Variants in NRG1 observed in about 807,000 individuals in gnomAD.
The protein encoded by NRG1 is pro-neuregulin-1, membrane-bound isoform.
NRG1 carries 18 observed loss-of-function variants against 63.8 expected under a neutral mutation model. The observed-to-expected ratio is 0.28, with a 90% CI of 0.19 to 0.42. The LOEUF (loss-of-function observed/expected upper bound fraction) is 0.42, where lower values mean the gene tolerates loss of function less well. Ranked by LOEUF, NRG1 falls within the 10% of genes least tolerant of loss-of-function variation. The pLI, the probability that NRG1 is intolerant of heterozygous loss-of-function variation, is 1.00. For missense variants in NRG1, 762 were observed against 814.7 expected, an observed-to-expected ratio of 0.94 and a Z score of 0.79; for synonymous variants, 302 against 301.3, an observed-to-expected ratio of 1.00 and a Z score of -0.02.
chr8:32,669,572 C>T (rs943536805), intron 5 of NRG1, among the ~76,000 whole-genome samples: 3 of 152,068 alleles, frequency 2.0e-5, no homozygotes, highest in Non-Finnish European at 4.4e-5. Context: ...TGGAGCCTGG[C>T]GTTTGGAGTT....
intron 1 of NRG1, among the ~76,000 whole-genome samples, chr8:32,333,774 T>G (rs1323709987): frequency 6.6e-6 from 1 of 152,222 alleles, no homozygotes; most frequent in Non-Finnish European, 1.5e-5. Context: ...CTTTGTGATC[T>G]GGCTTGTATT....
intron 5 of NRG1, among the ~76,000 whole-genome samples, chr8:32,628,556 T>C (rs1029526683): frequency 6.6e-6 from 1 of 151,938 alleles, no homozygotes; most frequent in Non-Finnish European, 1.5e-5. Flanking sequence ...TGGAGGGAAA[T>C]AGATGATTCA....
At chr8:31,849,688 C>T (rs929343108) in intron 1 of NRG1, among the ~76,000 whole-genome samples, 10 of 152,246 alleles carry the variant, frequency 6.6e-5, no homozygotes, top group Non-Finnish European at 1.0e-4. Context: ...CACAGGGTGA[C>T]GATGGGATGT....
At chr8:31,718,082 T>A (rs1366619782) in intron 1 of NRG1, among the ~76,000 whole-genome samples, 1 of 152,222 alleles carries the variant, frequency 6.6e-6, no homozygotes, top group Admixed American at 6.5e-5. Context: ...TCCCATTTTT[T>A]AACCTAATGG....
chr8:32,371,363 G>C (rs1587148461), intron 1 of NRG1, among the ~76,000 whole-genome samples: 1 of 152,200 alleles, frequency 6.6e-6, no homozygotes, highest in South Asian at 2.1e-4. Context: ...CTGTGACTGC[G>C]TGGTCTTTGT....
rs187876404 is a variant in NRG1, at chr8:32,466,092, C to T, written c.38-129736C>T. ...CCGAGATGGGCTGATCGCTTGAGCT[C>T]AGTAGTTCAAGACCAAGCTAGGCAA... On this transcript the variant is annotated intron_variant, in intron 1 of 10. Coordinates refer to the NRG1 transcript ENST00000519301. 8.7e-4 allele frequency among the ~76,000 whole-genome samples: 133 copies of T among 152,234 alleles called. 1 individual carries two copies. Among genetic ancestry groups the T allele is most frequent in the Admixed American group, 1.0e-3 (16 of 15,280 alleles).
At chr8:32,214,308 A>G (rs1026195173) in intron 1 of NRG1, among the ~76,000 whole-genome samples, 1 of 152,234 alleles carries the variant, frequency 6.6e-6, no homozygotes, top group Non-Finnish European at 1.5e-5. Context: ...GCAAAGATAT[A>G]TCTTTATATA....
chr8:32,262,818 C>T (rs975700066), intron 1 of NRG1, among the ~76,000 whole-genome samples: 1 of 152,080 alleles, frequency 6.6e-6, no homozygotes, highest in African/African-American at 2.4e-5. Flanking sequence ...TATATTAATA[C>T]ATGGACAGGT....
At chr8:32,748,814 T>C in intron 7 of NRG1, 2 of 418,070 alleles carry the variant, frequency 4.8e-6, no homozygotes, top group Non-Finnish European at 9.5e-6. Context: ...AGAATTGTCC[T>C]ATGCCATACA....
chr8:32,426,115 G>A (rs1817333490), intron 1 of NRG1, among the ~76,000 whole-genome samples: 1 of 152,178 alleles, frequency 6.6e-6, no homozygotes, highest in South Asian at 2.1e-4. Context: ...GAGAAAGTCT[G>A]TTTTGGAGCC....
chr8:31,868,138 CAT>C (rs1179929105), intron 1 of NRG1, among the ~76,000 whole-genome samples: 4 of 121,654 alleles, frequency 3.3e-5, no homozygotes, highest in East Asian at 2.6e-4. Flanking sequence ...CACACACACA[CAT>C]ACATCTTACA....
At chr8:32,616,705 C>T (rs574791036) in intron 4 of NRG1, 130 bp from the exon 5 acceptor site, 143 of 736,456 alleles carry the variant, frequency 1.9e-4, no homozygotes, top group Admixed American at 1.5e-3. Context: ...CTTATAAATG[C>T]TTCAGCTTCT....
intron 1 of NRG1, among the ~76,000 whole-genome samples, chr8:32,019,002 T>A (rs565453497): frequency 6.6e-6 from 1 of 152,274 alleles, no homozygotes; most frequent in Non-Finnish European, 1.5e-5. Context: ...GACATTTTCA[T>A]AGGCCTCAAC....
At chr8:32,021,605 T>C (rs1816457060) in intron 1 of NRG1, among the ~76,000 whole-genome samples, 1 of 152,118 alleles carries the variant, frequency 6.6e-6, no homozygotes, top group African/African-American at 2.4e-5. Context: ...ATTCAAAGCA[T>C]TGCAAAAAGT....
chr8:31,730,951 A>G (rs964349150), intron 1 of NRG1, among the ~76,000 whole-genome samples: 1 of 152,176 alleles, frequency 6.6e-6, no homozygotes, highest in African/African-American at 2.4e-5. Flanking sequence ...GCAGAATAGA[A>G]AAATGAGTAA....
chr8:32,185,426 C>A (rs957334632), intron 1 of NRG1, among the ~76,000 whole-genome samples: 1 of 152,126 alleles, frequency 6.6e-6, no homozygotes, highest in Admixed American at 6.5e-5. Flanking sequence ...TACATTTTGC[C>A]TCTGTCTCAA....
intron 1 of NRG1, among the ~76,000 whole-genome samples, chr8:32,463,346 A>G (rs1416963242): frequency 2.0e-5 from 3 of 152,284 alleles, no homozygotes; most frequent in South Asian, 2.1e-4. Context: ...TGGTAGCAGA[A>G]TGTTTTATTT....
intron 1 of NRG1, among the ~76,000 whole-genome samples, chr8:31,748,011 T>C (rs373825900): frequency 1.3e-5 from 2 of 152,108 alleles, no homozygotes; most frequent in South Asian, 4.1e-4. Context: ...TCAGCAATAC[T>C]TTGCAAGGTC....
intron 1 of NRG1, among the ~76,000 whole-genome samples, chr8:32,296,616 CAA>C (rs34816837): frequency 0.14 from 14,322 of 100,756 alleles, 757 homozygotes; most frequent in Middle Eastern, 0.2. Flanking sequence ...AACTTTGTCC[CAA>C]AAAAAAAAAA....
Sources: allele counts gnomAD v4.1 joint callset (sites outside exome capture counted in the v4.1 genomes callset), GRCh38; gene constraint gnomAD v4.1.1; transcripts MANE v1.5; gene names NCBI Gene and HGNC (gene_info 2026-07-23, HGNC 2026-07-21).